Variants in KIF26B observed in about 807,000 individuals in gnomAD.
KIF26B encodes the protein kinesin family member 26B, also known as kinesin-like protein KIF26B.
In KIF26B, 63 loss-of-function variants were observed where a neutral mutation model predicts 151.2. That is an observed-to-expected ratio of 0.42 (90% confidence interval 0.34 to 0.51). The LOEUF (loss-of-function observed/expected upper bound fraction) is 0.51. Ranked by LOEUF, KIF26B falls within the 20% of genes least tolerant of loss-of-function variation. The pLI, the probability that KIF26B is intolerant of heterozygous loss-of-function variation, is 0.07. For missense variants in KIF26B, 2,813 were observed against 2,913.6 expected, an observed-to-expected ratio of 0.97 and a Z score of 0.79; for synonymous variants, 1,357 against 1,262.1, an observed-to-expected ratio of 1.08 and a Z score of -1.59.
intron 4 of KIF26B, among the ~76,000 whole-genome samples, chr1:245,464,239 A>C (rs1435688668): frequency 6.6e-6 from 1 of 152,216 alleles, no homozygotes; most frequent in Non-Finnish European, 1.5e-5. Flanking sequence ...AGACCTGACT[A>C]TTCTGAATTG....
chr1:245,472,597 C>G (rs946980877), intron 4 of KIF26B, among the ~76,000 whole-genome samples: 1 of 152,202 alleles, frequency 6.6e-6, no homozygotes, highest in East Asian at 1.9e-4. Context: ...TAGGGATCTT[C>G]AACCGGTATG....
chr1:245,625,711 G>T (rs79382076), intron 9 of KIF26B, among the ~76,000 whole-genome samples: 1 of 151,696 alleles, frequency 6.6e-6, no homozygotes, highest in Non-Finnish European at 1.5e-5. Context: ...CAAACACTAC[G>T]GCTTCCTCCT....
chr1:245,622,289 T>C (rs2043672342), intron 9 of KIF26B, among the ~76,000 whole-genome samples: 1 of 152,226 alleles, frequency 6.6e-6, no homozygotes, highest in African/African-American at 2.4e-5. Flanking sequence ...TTCTTTGCCA[T>C]AGACGTGCCA....
intron 2 of KIF26B, among the ~76,000 whole-genome samples, chr1:245,300,591 C>T (rs1020674879): frequency 2.3e-4 from 35 of 151,268 alleles, no homozygotes; most frequent in African/African-American, 7.8e-4. Context: ...TACGGTGGCA[C>T]GATCTTGGCT....
chr1:245,494,222 C>T (rs767133019), intron 4 of KIF26B, among the ~76,000 whole-genome samples: 20 of 152,178 alleles, frequency 1.3e-4, no homozygotes, highest in Non-Finnish European at 1.0e-4. Context: ...AGGAGAATCA[C>T]TTGAACCTGG....
chr1:245,611,709 T>C, intron 8 of KIF26B, 84 bp from the exon 9 acceptor site: 1 of 1,414,632 alleles, frequency 7.1e-7, no homozygotes, highest in East Asian at 2.4e-5. Flanking sequence ...CACAGCCAGC[T>C]GAATGGTGCT....
chr1:245,642,570 A>T, intron 9 of KIF26B, among the ~76,000 whole-genome samples: 1 of 115,876 alleles, frequency 8.6e-6, no homozygotes, highest in African/African-American at 4.5e-5. Context: ...CAGAAAAAAA[A>T]AAAAAAAAAA....
At position 245,706,193 on chromosome 1, in the gene KIF26B, A is replaced by G. The variant is rs1177705474; in HGVS notation, c.*3587A>G. 2 of 152,198 alleles carry G rather than the reference A, an allele frequency of 1.3e-5. No homozygotes were observed. The highest frequency in any genetic ancestry group is 2.9e-5 in the Non-Finnish European group (2 of 68,044). The allele number at this position is 152,198 out of a possible 1,614,324, so 9.4% of individuals were successfully genotyped here. Reference sequence around the variant, plus strand: ...TGACTTCAGTCCAGCCGCATCTACCATCCAGGGTGGAGGTTCAAAAAGTCT... The same window carrying G: ...TGACTTCAGTCCAGCCGCATCTACCGTCCAGGGTGGAGGTTCAAAAAGTCT... On this transcript the variant is annotated 3_prime_UTR_variant, in exon 15 of 15. Coordinates refer to ENST00000407071, the MANE Select transcript of KIF26B (RefSeq NM_018012.4).
At chr1:245,666,040 C>T (rs969282259) in intron 10 of KIF26B, among the ~76,000 whole-genome samples, 6 of 127,314 alleles carry the variant, frequency 4.7e-5, no homozygotes, top group South Asian at 2.5e-4. Flanking sequence ...CTCTCTCTGT[C>T]GCCCAGGCTG....
At chr1:245,467,753 G>GC in intron 4 of KIF26B, among the ~76,000 whole-genome samples, 1 of 152,226 alleles carries the variant, frequency 6.6e-6, no homozygotes, top group Non-Finnish European at 1.5e-5. Flanking sequence ...AAATTAGTTG[G>GC]CCATGGCGGT....
chr1:245,228,976 A>C (rs1256022178), intron 2 of KIF26B, among the ~76,000 whole-genome samples: 1 of 151,718 alleles, frequency 6.6e-6, no homozygotes, highest in Admixed American at 6.6e-5. Context: ...GTATTTCTTT[A>C]TTTATTTTGA....
At position 245,646,284 on chromosome 1, in the gene KIF26B, A is replaced by T; in HGVS notation, c.2258+4A>T. ...GCAGCAAACACATTCCATACAAGTAAGTGACTCTTCTACTCAAAGAATGTG... is the reference window on the plus strand; with the variant it reads ...GCAGCAAACACATTCCATACAAGTATGTGACTCTTCTACTCAAAGAATGTG... On this transcript the variant is annotated splice_donor_region_variant and intron_variant, in intron 10 of 14. Coordinates refer to ENST00000407071, the MANE Select transcript of KIF26B (RefSeq NM_018012.4). 1 of 1,613,390 alleles carries T rather than the reference A, an allele frequency of 6.2e-7. No individual in the cohort carries two copies. The highest frequency in any genetic ancestry group is 8.5e-7 in the Non-Finnish European group (1 of 1,179,686).
intron 5 of KIF26B, among the ~76,000 whole-genome samples, chr1:245,556,362 CT>C (rs1662038351): frequency 7.4e-5 from 8 of 107,544 alleles, no homozygotes; most frequent in African/African-American, 2.0e-4. Context: ...CCTCCTCCTC[CT>C]TCTTCTTCTT....
intron 5 of KIF26B, among the ~76,000 whole-genome samples, chr1:245,593,452 G>A (rs1182954629): frequency 1.3e-5 from 2 of 152,136 alleles, no homozygotes; most frequent in Non-Finnish European, 2.9e-5. Flanking sequence ...TTAGTTTGCT[G>A]AGAATGATGG....
intron 9 of KIF26B, among the ~76,000 whole-genome samples, chr1:245,620,764 TA>T (rs2043650644): frequency 6.6e-6 from 1 of 152,202 alleles, no homozygotes; most frequent in African/African-American, 2.4e-5. Context: ...ATAAAAACAT[TA>T]ACTCTCTTTA....
chr1:245,609,520 G>A lies in KIF26B; in HGVS notation c.1906G>A (p.Gly636Ser), dbSNP rs560800157. Residue 636 changes from glycine (G) to serine (S), a missense_variant, in exon 8 of 15, where the codon GGC becomes AGC. Gly to Ser is a moderately conservative substitution (Grantham distance 56). Coordinates refer to ENST00000407071, the MANE Select transcript of KIF26B (RefSeq NM_018012.4). ...GTACCTCTGTGAGGACCCCATCTGC[G>A]GCACGCAGGTGATTGCTTCTGAAGC... ...GVYLCEDPIC[G>S]TQLQNQSELR... is the part of the protein sequence containing the mutation. 5 of 1,545,552 alleles carry A rather than the reference G, an allele frequency of 3.2e-6. No homozygotes were observed. Among genetic ancestry groups the A allele is most frequent in the African/African-American group, 1.4e-5 (1 of 73,492 alleles).
chr1:245,466,462 G>A (rs1659795255), intron 4 of KIF26B, among the ~76,000 whole-genome samples: 1 of 152,124 alleles, frequency 6.6e-6, no homozygotes, highest in Non-Finnish European at 1.5e-5. Flanking sequence ...TGTGTGGCTG[G>A]GATTTACAAG....
intron 2 of KIF26B, among the ~76,000 whole-genome samples, chr1:245,283,681 A>G (rs147647243): frequency 4.7e-4 from 67 of 142,020 alleles, no homozygotes; most frequent in African/African-American, 1.7e-3. Flanking sequence ...CCCTCCACCA[A>G]GCTTGAGAAT....
intron 10 of KIF26B, among the ~76,000 whole-genome samples, chr1:245,674,970 T>C (rs2044340722): frequency 1.3e-5 from 2 of 152,098 alleles, no homozygotes; most frequent in Admixed American, 6.6e-5. Context: ...GACAACTGCA[T>C]GTTTGGAGGG....
Sources: gnomAD v4.1 joint callset for allele counts (sites outside exome capture counted in the v4.1 genomes callset) on GRCh38, gnomAD v4.1.1 for gene constraint, MANE v1.5 for transcripts, NCBI Gene and HGNC (gene_info 2026-07-23, HGNC 2026-07-21) for gene names.